The following SRP72 variants were observed in gnomAD, a reference collection of about 807,000 sequenced individuals.
SRP72 encodes signal recognition particle subunit SRP72.
SRP72 carries 49 observed loss-of-function variants against 96.3 expected under a neutral mutation model. That is an observed-to-expected ratio of 0.51 (90% confidence interval 0.40 to 0.65). SRP72 has a LOEUF of 0.65. SRP72 is among the 30% of genes least tolerant of loss of function. SRP72 has a pLI of 0.00. For synonymous variants in SRP72, 267 were observed against 275.2 expected, an observed-to-expected ratio of 0.97 and a Z score of 0.30; for missense variants, 736 against 793.3, an observed-to-expected ratio of 0.93 and a Z score of 0.87.
chr4:56,501,129 C>T (rs927297729), intron 18 of SRP72, among the ~76,000 whole-genome samples: 3 of 152,172 alleles, frequency 2.0e-5, no homozygotes, highest in Non-Finnish European at 2.9e-5. Flanking sequence ...TTTTTCTGGC[C>T]GGGCGCAGTG....
intron 13 of SRP72, 104 bp downstream of exon 13, chr4:56,489,587 A>T (rs1302449953): frequency 1.8e-6 from 1 of 553,416 alleles, no homozygotes; most frequent in Non-Finnish European, 3.1e-6. Context: ...TCACTATTTT[A>T]AAAGTGGAAT....
At chr4:56,487,812 A>C (rs1174656293) in intron 11 of SRP72, 137 bp from the exon 12 acceptor site, 1 of 627,410 alleles carries the variant, frequency 1.6e-6, no homozygotes, top group African/African-American at 1.9e-5. Context: ...CAAAGTTTAT[A>C]TGTTTAGCGA....
At chr4:56,472,312 G>C (rs77360660) in intron 3 of SRP72, among the ~76,000 whole-genome samples, 3,000 of 147,294 alleles carry the variant, frequency 0.02, 93 homozygotes, top group African/African-American at 0.071. Context: ...ACAGAAATGT[G>C]TATCTTACAG....
chr4:56,467,984 C>T (rs1027172279), intron 1 of SRP72, among the ~76,000 whole-genome samples: 14 of 152,242 alleles, frequency 9.2e-5, no homozygotes, highest in Admixed American at 2.6e-4. Context: ...CTCTTTTTAC[C>T]CTCCGCGGGA....
chr4:56,488,068 C>T (rs1720781374), intron 12 of SRP72, 55 bp downstream of exon 12: 1 of 1,218,710 alleles, frequency 8.2e-7, no homozygotes. Context: ...ATTTGTATGT[C>T]TAATGTGTAT....
At chr4:56,485,671 G>A (rs549323095) in intron 10 of SRP72, among the ~76,000 whole-genome samples, 3 of 152,096 alleles carry the variant, frequency 2.0e-5, no homozygotes, top group Non-Finnish European at 4.4e-5. Context: ...GCATGGTGGC[G>A]CATTCCTGTA....
intron 16 of SRP72, among the ~76,000 whole-genome samples, chr4:56,494,662 C>G (rs949291360): frequency 6.6e-6 from 1 of 152,120 alleles, no homozygotes; most frequent in African/African-American, 2.4e-5. Context: ...CCTTGGCCTC[C>G]CATCGTGCTG....
Position 56,490,586 on chromosome 4 carries a change from T to C in SRP72, c.1443T>C (p.Ile481=), listed in dbSNP as rs1164555645. The C allele has an allele frequency of 6.2e-7, 1 of 1,613,738 alleles. No individual in the cohort carries two copies. Among genetic ancestry groups the C allele is most frequent in the Non-Finnish European group, 8.5e-7 (1 of 1,179,910 alleles). ...CTTTTAGACAAAATCCAAAAGATAT[T>C]CACACCCTGGCACAGCTTATTTCTG... ...QQLWKQNPKD[I]HTLAQLISAY... is the part of the protein sequence containing the mutation. Residue 481 remains isoleucine (I), a synonymous_variant, in exon 15 of 19, where the codon ATT becomes ATC. Coordinates refer to ENST00000642900, the MANE Select transcript of SRP72 (RefSeq NM_006947.4).
intron 15 of SRP72, 31 bp from the exon 16 acceptor site, chr4:56,491,400 A>G: frequency 6.2e-7 from 1 of 1,607,836 alleles, no homozygotes. Context: ...GTTTGTGTAT[A>G]TTATGTTCCT....
intron 17 of SRP72, among the ~76,000 whole-genome samples, chr4:56,499,258 C>G (rs1383426923): frequency 3.3e-5 from 5 of 152,128 alleles, no homozygotes; most frequent in Non-Finnish European, 5.9e-5. Context: ...AAACATAAGA[C>G]CTAAAACCAT....
At position 56,469,517 on chromosome 4, in the gene SRP72, C is replaced by G. The variant is rs532533470; in HGVS notation, c.110-136C>G. ...TTGTTTTGTTTTGTTGCTGTTTCTTCCAGTTGTTCTGACCAATTATTTCTG... is the reference window on the plus strand; with the variant it reads ...TTGTTTTGTTTTGTTGCTGTTTCTTGCAGTTGTTCTGACCAATTATTTCTG... On this transcript the variant is annotated intron_variant, in intron 1 of 18. Coordinates refer to ENST00000642900, the MANE Select transcript of SRP72 (RefSeq NM_006947.4). 11 of 718,210 alleles carry G rather than the reference C, an allele frequency of 1.5e-5. No homozygotes were observed. The Admixed American group carries it at 1.6e-4, about 10-fold the overall frequency. 44.5% of individuals were successfully genotyped at this position (718,210 alleles called of 1,614,324 possible). A position where few individuals can be genotyped will look rare whatever the true frequency, so the allele number is the denominator to read the frequency against.
At position 56,478,403 on chromosome 4, in the gene SRP72, G is replaced by A; in HGVS notation, c.667G>A (p.Ala223Thr). 5 of 1,610,700 alleles carry A rather than the reference G, an allele frequency of 3.1e-6. No homozygotes were observed. Among genetic ancestry groups the A allele is most frequent in the Non-Finnish European group, 4.2e-6 (5 of 1,178,856 alleles). Residue 223 changes from alanine to threonine, a missense_variant, in exon 7 of 19, where the codon GCA becomes ACA. Around this residue, in one of 3 missense-constraint regions of SRP72, gnomAD observed 329 missense variants for 319.0 expected, o/e 1.03. Coordinates refer to ENST00000642900, the MANE Select transcript of SRP72 (RefSeq NM_006947.4). ...GGATGGGACTGAGGAAGACCCACAG[G>A]CAGAACTGGCCATCATTCATGGTCA... is the stretch of plus-strand genomic sequence containing the variant. Reference protein sequence around the residue: ...DTDGTEEDPQAELAIIHGQMA... With the variant: ...DTDGTEEDPQTELAIIHGQMA...
chr4:56,499,184 A>G (rs1163739921), intron 17 of SRP72, among the ~76,000 whole-genome samples: 1 of 152,106 alleles, frequency 6.6e-6, no homozygotes, highest in East Asian at 1.9e-4. Flanking sequence ...CCATATGCAG[A>G]AAACAAACTG....
chr4:56,474,606 C>A, intron 5 of SRP72: 2 of 571,090 alleles, frequency 3.5e-6, no homozygotes, highest in Non-Finnish European at 6.1e-6. Context: ...TACAATGGCA[C>A]GATCTCGGCT....
chr4:56,476,589 A>G, intron 5 of SRP72, 82 bp from the exon 6 acceptor site: 1 of 1,445,096 alleles, frequency 6.9e-7, no homozygotes, highest in Non-Finnish European at 9.7e-7. Flanking sequence ...CTGCTTAGGA[A>G]TTTAGATCTT....
intron 3 of SRP72, among the ~76,000 whole-genome samples, chr4:56,473,631 G>A (rs1313931119): frequency 4.0e-5 from 6 of 151,660 alleles, no homozygotes. Context: ...CAGGCATGGT[G>A]GCGCACGTCT....
intron 8 of SRP72, among the ~76,000 whole-genome samples, chr4:56,482,394 G>A (rs531310672): frequency 4.0e-5 from 6 of 151,836 alleles, no homozygotes; most frequent in African/African-American, 1.4e-4. Context: ...CTGGTAGTGA[G>A]CTGAGACTGT....
At chr4:56,481,308 C>G (rs1444882643) in intron 8 of SRP72, among the ~76,000 whole-genome samples, 13 of 152,200 alleles carry the variant, frequency 8.5e-5, no homozygotes, top group Admixed American at 8.5e-4. Context: ...CATGTATTTG[C>G]AAGTAAATAC....
At chr4:56,489,580 CTATTT>C (rs1720836173) in intron 13 of SRP72, 97 bp downstream of exon 13, 2 of 585,154 alleles carry the variant, frequency 3.4e-6, no homozygotes, top group East Asian at 6.0e-5. Flanking sequence ...TTACACGTCA[CTATTT>C]TAAAAGTGGA....
Sources: allele counts gnomAD v4.1 joint callset (sites outside exome capture counted in the v4.1 genomes callset), GRCh38; gene constraint gnomAD v4.1.1; regional missense constraint gnomAD v4.1.1; transcripts MANE v1.5; gene names NCBI Gene and HGNC (gene_info 2026-07-23, HGNC 2026-07-21).